Variants in ITPKB observed in about 807,000 individuals in gnomAD.
The protein encoded by ITPKB is IP3 3-kinase B.
In ITPKB, 13 loss-of-function variants were observed where a neutral mutation model predicts 69.4. The ratio of observed to expected loss-of-function variants is 0.19; its 90% CI spans 0.12 to 0.30. ITPKB has a LOEUF of 0.30. Among genes scored for constraint, ITPKB ranks in the 10% least tolerant of loss-of-function variants. The pLI is 1.00. For synonymous variants in ITPKB, 584 were observed against 513.7 expected (o/e 1.14, Z -1.85); for missense variants, 1,240 against 1,250.5 (o/e 0.99, Z 0.13).
chr1:226,735,116 C>A (rs1251625679), intron 2 of ITPKB, among the ~76,000 whole-genome samples: 1 of 152,152 alleles, frequency 6.6e-6, no homozygotes, highest in Non-Finnish European at 1.5e-5. Context: ...TTTTCTTTGG[C>A]CTGAATGAAA....
At chr1:226,667,132 C>A (rs561819936) in intron 2 of ITPKB, among the ~76,000 whole-genome samples, 1 of 152,310 alleles carries the variant, frequency 6.6e-6, no homozygotes, top group East Asian at 1.9e-4. Context: ...CGCTTCTCCC[C>A]TATACCTCAC....
chr1:226,652,305 G>A (rs1262771847), intron 2 of ITPKB, among the ~76,000 whole-genome samples: 2 of 152,164 alleles, frequency 1.3e-5, no homozygotes, highest in Non-Finnish European at 2.9e-5. Context: ...ATCTGCCTCA[G>A]GAACCAAATC....
Position 226,666,846 on chromosome 1 carries a change from T to C in ITPKB, c.1933-18075A>G, listed in dbSNP as rs75422810. Among the ~76,000 whole-genome samples, 1,447 of 152,296 alleles carry C rather than the reference T, an allele frequency of 9.5e-3. 86 individuals carry two copies. In the East Asian group the frequency reaches 0.16, roughly 16 times the overall value. On this transcript the variant is annotated intron_variant, in intron 2 of 7. Coordinates refer to ENST00000429204, the MANE Select transcript of ITPKB (RefSeq NM_002221.4). ...AACCTTCTGTGGCTTCCCTAAAGCC[T>C]GCAGGACAAAGACCACAGACCACAC...
intron 2 of ITPKB, among the ~76,000 whole-genome samples, chr1:226,720,948 A>C (rs1657222244): frequency 6.6e-6 from 1 of 151,980 alleles, no homozygotes; most frequent in Admixed American, 6.6e-5. Flanking sequence ...AGGCTGAGGC[A>C]GAAGAATCGC....
At chr1:226,725,419 AT>A (rs1379640758) in intron 2 of ITPKB, among the ~76,000 whole-genome samples, 3 of 152,258 alleles carry the variant, frequency 2.0e-5, no homozygotes, top group African/African-American at 7.2e-5. Flanking sequence ...GGGCCTGGCC[AT>A]ACAGAAGAGG....
chr1:226,649,383 CAT>C (rs1332748411), intron 2 of ITPKB, among the ~76,000 whole-genome samples: 2 of 138,464 alleles, frequency 1.4e-5, no homozygotes, highest in African/African-American at 5.6e-5. Context: ...TGATTGTGTG[CAT>C]GTGTGCATGA....
At chr1:226,649,597 G>A (rs999715077) in intron 2 of ITPKB, among the ~76,000 whole-genome samples, 3 of 152,162 alleles carry the variant, frequency 2.0e-5, no homozygotes, top group African/African-American at 7.2e-5. Context: ...GCATGTGTGT[G>A]CGTGCATGTG....
At position 226,729,739 on chromosome 1, in the gene ITPKB, C is replaced by T. The variant is rs553398483; in HGVS notation, c.1932+5788G>A. Among the ~76,000 whole-genome samples the T allele has an allele frequency of 5.3e-5, 8 of 151,722 alleles. No homozygotes were observed. In the South Asian group the frequency reaches 1.3e-3, roughly 24 times the overall value. ...GATTACAGGTGTGTGCCACCATGCC[C>T]GGCTAACTTTCGTATTTTTAGTAGA... On this transcript the variant is annotated intron_variant, in intron 2 of 7. Transcript: ENST00000429204.
intron 2 of ITPKB, among the ~76,000 whole-genome samples, chr1:226,702,062 C>T (rs1656681010): frequency 6.6e-6 from 1 of 152,102 alleles, no homozygotes; most frequent in Non-Finnish European, 1.5e-5. Flanking sequence ...GAAAATTCCA[C>T]CAGGTCTATG....
At chr1:226,694,723 C>T (rs752938439) in intron 2 of ITPKB, among the ~76,000 whole-genome samples, 2 of 152,232 alleles carry the variant, frequency 1.3e-5, no homozygotes, top group Non-Finnish European at 2.9e-5. Context: ...CTGGCCTCTA[C>T]CCACTATGTG....
At chr1:226,671,562 G>C (rs1210496813) in intron 2 of ITPKB, among the ~76,000 whole-genome samples, 3 of 152,214 alleles carry the variant, frequency 2.0e-5, no homozygotes, top group Admixed American at 1.3e-4. Context: ...ATTCTAAGTG[G>C]GGACAGGCAG....
chr1:226,650,583 C>T lies in ITPKB; in HGVS notation c.1933-1812G>A, dbSNP rs1488958171. 3.3e-5 allele frequency among the ~76,000 whole-genome samples: 5 copies of T among 152,212 alleles called. No homozygotes were observed. In the East Asian group the frequency reaches 7.7e-4, roughly 23 times the overall value. On this transcript the variant is annotated intron_variant, in intron 2 of 7. Transcript: ENST00000429204. ...ACACAAGATGAGCCCAGCAGTGGCT[C>T]GTGGGGACGCCCCTGCTCAGGGGGA...
chr1:226,727,203 A>G (rs1305927988), intron 2 of ITPKB, among the ~76,000 whole-genome samples: 1 of 152,258 alleles, frequency 6.6e-6, no homozygotes, highest in African/African-American at 2.4e-5. Context: ...TACCTCATGC[A>G]TAAGCAGAGG....
intron 2 of ITPKB, among the ~76,000 whole-genome samples, chr1:226,711,442 A>AGAGAGAGAGTGT (rs1491474441): frequency 2.9e-5 from 3 of 102,358 alleles, no homozygotes; most frequent in Admixed American, 9.6e-5. Context: ...AGAGAGAGAG[A>AGAGAGAGAGTGT]GTGTGTGTGT....
intron 2 of ITPKB, among the ~76,000 whole-genome samples, chr1:226,704,206 A>C (rs1358180842): frequency 1.3e-5 from 2 of 152,226 alleles, no homozygotes; most frequent in Non-Finnish European, 2.9e-5. Context: ...AATAAAGAAT[A>C]TAAACATTAA....
Position 226,736,356 on chromosome 1 carries a change from G to A in ITPKB, c.1103C>T (p.Pro368Leu), listed in dbSNP as rs756338655. 3.7e-6 allele frequency: 6 copies of A among 1,612,492 alleles called. 1 individual carries two copies. In the South Asian group the frequency reaches 6.6e-5, roughly 18 times the overall value. The change falls in exon 2 of 8, where the codon CCC becomes CTC. Residue 368 changes from proline to leucine, a missense_variant. By Grantham distance (98) the Pro-to-Leu change is moderately conservative. Coordinates refer to ENST00000429204, the MANE Select transcript of ITPKB (RefSeq NM_002221.4). ...ATATCCTTTCCCCATCTTCCCAGGG[G>A]GTTCTCCATCGCGGGGCCCGCCCCT... ...PERGGPRDGE[P>L]PGKMGKGYLP...
intron 2 of ITPKB, among the ~76,000 whole-genome samples, chr1:226,662,792 T>C (rs1473734330): frequency 6.6e-6 from 1 of 152,258 alleles, no homozygotes; most frequent in Middle Eastern, 3.2e-3. Flanking sequence ...ATTATGCTGA[T>C]GTGCCTGTGG....
chr1:226,696,088 C>G (rs1656477892), intron 2 of ITPKB, among the ~76,000 whole-genome samples: 1 of 152,192 alleles, frequency 6.6e-6, no homozygotes, highest in South Asian at 2.1e-4. Flanking sequence ...ATTACCCACC[C>G]ATTAATGCCC....
At chr1:226,718,153 G>A (rs539136668) in intron 2 of ITPKB, among the ~76,000 whole-genome samples, 1 of 152,070 alleles carries the variant, frequency 6.6e-6, no homozygotes, top group African/African-American at 2.4e-5. Flanking sequence ...AATTAGCCAG[G>A]TGTGGTGGCG....
Sources: allele counts gnomAD v4.1 joint callset (sites outside exome capture counted in the v4.1 genomes callset), GRCh38; gene constraint gnomAD v4.1.1; transcripts MANE v1.5; gene names NCBI Gene and HGNC (gene_info 2026-07-23, HGNC 2026-07-21).